The following SNTG2 variants were observed in gnomAD, a reference collection of about 807,000 sequenced individuals.
SNTG2 encodes gamma-2-syntrophin.
A neutral mutation model predicts 70.9 loss-of-function variants in SNTG2; 74 were observed. The observed-to-expected ratio is 1.04, with a 90% confidence interval of 0.86 to 1.27. The LOEUF is 1.27. Ranked by LOEUF, SNTG2 falls within the 50% of genes most tolerant of loss-of-function variation. SNTG2 has a pLI of 0.00. For synonymous variants in SNTG2, 278 were observed against 273.8 expected (o/e 1.02, Z -0.15); for missense variants, 717 against 690.7 (o/e 1.04, Z -0.43).
intron 7 of SNTG2, among the ~76,000 whole-genome samples, chr2:1,170,945 C>T (rs1339812260): frequency 6.6e-6 from 1 of 151,958 alleles, no homozygotes; most frequent in East Asian, 1.9e-4. Context: ...CCACAGCAGC[C>T]GCACCATTTT....
At chr2:1,263,390 A>T (rs1003884384) in intron 13 of SNTG2, among the ~76,000 whole-genome samples, 14 of 152,236 alleles carry the variant, frequency 9.2e-5, no homozygotes, top group African/African-American at 3.4e-4. Context: ...TAAAAATCAG[A>T]TGACAAAACA....
Position 1,133,099 on chromosome 2 carries a change from C to T in SNTG2, c.326-4523C>T, listed in dbSNP as rs545273335. 2.0e-5 allele frequency among the ~76,000 whole-genome samples: 3 copies of T among 152,300 alleles called. No homozygotes were observed. In the South Asian group the frequency reaches 6.2e-4, roughly 32 times the overall value. The stretch of plus-strand genomic sequence containing the variant: ...TGTGGGGTGATGATTATGCCTTACA[C>T]ATGGGGTTGTGATGTGGTTTAAATA... On this transcript the variant is annotated intron_variant, in intron 4 of 16. Coordinates refer to ENST00000308624, the MANE Select transcript of SNTG2 (RefSeq NM_018968.4).
At chr2:971,869 A>G (rs111406372) in intron 1 of SNTG2, among the ~76,000 whole-genome samples, 15,694 of 151,952 alleles carry the variant, frequency 0.1, 2,529 homozygotes, top group African/African-American at 0.34. Context: ...CTTTGTTCTC[A>G]TTAGTTTCAA....
intron 12 of SNTG2, among the ~76,000 whole-genome samples, chr2:1,250,779 G>A (rs569949820): frequency 5.9e-5 from 9 of 151,824 alleles, no homozygotes; most frequent in African/African-American, 1.2e-4. Flanking sequence ...TGCTCTTCTC[G>A]AGGTCTCTTC....
intron 8 of SNTG2, among the ~76,000 whole-genome samples, chr2:1,194,530 A>C (rs1672789058): frequency 6.6e-6 from 1 of 152,082 alleles, no homozygotes. Flanking sequence ...CCTGGCCAAT[A>C]TTTTACAGTT....
intron 16 of SNTG2, among the ~76,000 whole-genome samples, chr2:1,333,817 C>T (rs979590365): frequency 1.3e-5 from 2 of 152,168 alleles, no homozygotes; most frequent in African/African-American, 4.8e-5. Context: ...AAATCTAAGA[C>T]CTGAAACTAT....
chr2:1,231,576 C>G (rs1676248386), intron 9 of SNTG2, among the ~76,000 whole-genome samples: 1 of 152,170 alleles, frequency 6.6e-6, no homozygotes, highest in Non-Finnish European at 1.5e-5. Context: ...GGAAAATGAT[C>G]ATGAGGATGT....
intron 1 of SNTG2, among the ~76,000 whole-genome samples, chr2:1,031,508 TTA>T (rs1316440220): frequency 0.02 from 1,176 of 57,736 alleles, 50 homozygotes; most frequent in African/African-American, 0.062. Context: ...TAGTTCATTG[TTA>T]TATATATATA....
chr2:1,194,747 C>CT (rs1672800945), intron 8 of SNTG2, among the ~76,000 whole-genome samples: 1 of 152,068 alleles, frequency 6.6e-6, no homozygotes, highest in African/African-American at 2.4e-5. Context: ...ATTTATTATA[C>CT]TTTAAGTTCT....
intron 13 of SNTG2, among the ~76,000 whole-genome samples, chr2:1,261,154 A>T (rs1678395020): frequency 1.3e-5 from 2 of 152,216 alleles, no homozygotes; most frequent in South Asian, 4.1e-4. Flanking sequence ...AAATTATATG[A>T]GTTGAATGTC....
chr2:1,006,261 T>G (rs1659567955), intron 1 of SNTG2, among the ~76,000 whole-genome samples: 1 of 151,600 alleles, frequency 6.6e-6, no homozygotes, highest in Admixed American at 6.6e-5. Flanking sequence ...TGTATACATA[T>G]GTAACTAACC....
chr2:1,283,253 T>G (rs1175100895), intron 14 of SNTG2, among the ~76,000 whole-genome samples: 2 of 152,060 alleles, frequency 1.3e-5, no homozygotes, highest in Non-Finnish European at 2.9e-5. Context: ...CGAAGTCACC[T>G]CTCACCAATC....
chr2:1,073,088 A>G (rs535586220), intron 1 of SNTG2, among the ~76,000 whole-genome samples: 2 of 152,398 alleles, frequency 1.3e-5, no homozygotes, highest in East Asian at 3.9e-4. Flanking sequence ...CCTAGTGAAG[A>G]TGCTGTGAAC....
intron 13 of SNTG2, among the ~76,000 whole-genome samples, chr2:1,266,899 G>T (rs185075651): frequency 7.9e-4 from 120 of 151,988 alleles, no homozygotes; most frequent in African/African-American, 2.7e-3. Flanking sequence ...AACTACAAGC[G>T]TGTGCTGCCA....
chr2:1,332,987 T>G (rs1475732016), intron 16 of SNTG2, among the ~76,000 whole-genome samples: 2 of 152,106 alleles, frequency 1.3e-5, no homozygotes, highest in Admixed American at 1.3e-4. Flanking sequence ...ATCAATGACA[T>G]CTAAAATTTT....
chr2:958,993 A>G (rs954110118), intron 1 of SNTG2, among the ~76,000 whole-genome samples: 3 of 152,182 alleles, frequency 2.0e-5, no homozygotes, highest in African/African-American at 7.2e-5. Flanking sequence ...CACAGATAAG[A>G]CCACTTTTTC....
intron 8 of SNTG2, among the ~76,000 whole-genome samples, chr2:1,208,789 GTC>G (rs1264292727): frequency 1.3e-5 from 2 of 152,108 alleles, no homozygotes; most frequent in African/African-American, 4.8e-5. Context: ...CTTTCTCACG[GTC>G]TCTATGCACT....
chr2:1,341,755 T>A (rs1370815343), intron 16 of SNTG2: 2 of 152,110 alleles, frequency 1.3e-5, no homozygotes, highest in Non-Finnish European at 2.9e-5. Context: ...CCGAGGCAGC[T>A]TCTGGGGCCC....
intron 8 of SNTG2, among the ~76,000 whole-genome samples, chr2:1,203,673 A>AAATATATATATATATATAT (rs1451954919): frequency 8.7e-6 from 1 of 115,516 alleles, no homozygotes; most frequent in African/African-American, 3.2e-5. Flanking sequence ...CAAAAAAAAA[A>AAATATATATATATATATAT]ATATATATAT....
Sources: gnomAD v4.1 joint callset for allele counts (sites outside exome capture counted in the v4.1 genomes callset) on GRCh38, gnomAD v4.1.1 for gene constraint, MANE v1.5 for transcripts, NCBI Gene and HGNC (gene_info 2026-07-23, HGNC 2026-07-21) for gene names.